RINT1: variants seen among roughly 807,000 people sequenced by gnomAD.
RINT1 encodes the protein RAD50-interacting protein 1.
Under a neutral mutation model 97.7 loss-of-function variants are expected in RINT1, and 75 were observed. That is an observed-to-expected ratio of 0.77 (90% confidence interval 0.64 to 0.93). The LOEUF (loss-of-function observed/expected upper bound fraction) is 0.93, where lower values mean the gene tolerates loss of function less well. Ranked by LOEUF, RINT1 falls within the 40% of genes least tolerant of loss-of-function variation. RINT1 has a pLI of 0.00. For synonymous variants in RINT1, 303 were observed against 326.3 expected, an observed-to-expected ratio of 0.93 and a Z score of 0.77; for missense variants, 892 against 925.2, an observed-to-expected ratio of 0.96 and a Z score of 0.47.
Position 105,565,327 on chromosome 7 carries a change from G to C in RINT1, c.1937G>C (p.Ser646Thr), listed in dbSNP as rs1396876913. The change falls in exon 13 of 15, where the codon AGT (serine) becomes ACT (threonine). Residue 646 changes from serine (S) to threonine (T), a missense_variant. Physicochemically the swap from Ser to Thr is moderately conservative, Grantham distance 58. Transcript: ENST00000257700. ...QSEQAVMSLS[S>T]SACPLLLTLR... ...GAGCAGGCAGTGATGTCCCTGTCCA[G>C]TTCGGCTTGCCCGTTGCTGCTGACG... 6.2e-7 allele frequency: 1 copy of C among 1,614,204 alleles called. No individual in the cohort carries two copies. Among genetic ancestry groups the C allele is most frequent in the Non-Finnish European group, 8.5e-7 (1 of 1,180,026 alleles).
chr7:105,545,926 C>T (rs920166407), intron 4 of RINT1, among the ~76,000 whole-genome samples: 3 of 151,154 alleles, frequency 2.0e-5, no homozygotes, highest in African/African-American at 7.3e-5. Flanking sequence ...GCCTCAGCCT[C>T]CCGAGTAGCT....
At chr7:105,544,990 A>T (rs1485237169) in intron 4 of RINT1, among the ~76,000 whole-genome samples, 1 of 151,188 alleles carries the variant, frequency 6.6e-6, no homozygotes, top group Non-Finnish European at 1.5e-5. Flanking sequence ...CTTTTTTTCA[A>T]GTAGTTTCTT....
chr7:105,543,375 C>T (rs1000514641), intron 4 of RINT1, among the ~76,000 whole-genome samples: 1 of 152,132 alleles, frequency 6.6e-6, no homozygotes. Context: ...AAGAGCTACA[C>T]AGTATTCTTG....
chr7:105,545,028 GCT>G (rs1790602059), intron 4 of RINT1, among the ~76,000 whole-genome samples: 1 of 151,380 alleles, frequency 6.6e-6, no homozygotes, highest in South Asian at 2.1e-4. Flanking sequence ...CCTTACATTA[GCT>G]CTGTTTCTTG....
intron 1 of RINT1, 113 bp from the exon 2 acceptor site, chr7:105,532,711 G>C: frequency 8.7e-7 from 1 of 1,143,980 alleles, no homozygotes; most frequent in South Asian, 1.2e-5. Context: ...CTCAGAAAGT[G>C]GGAGAGCGTC....
At chr7:105,545,765 G>A (rs940394745) in intron 4 of RINT1, among the ~76,000 whole-genome samples, 1 of 150,974 alleles carries the variant, frequency 6.6e-6, no homozygotes, top group African/African-American at 2.4e-5. Context: ...CCTGACCTCC[G>A]GTGATCCACC....
intron 3 of RINT1, among the ~76,000 whole-genome samples, chr7:105,539,690 A>G (rs1226637214): frequency 6.6e-6 from 1 of 152,028 alleles, no homozygotes. Context: ...TCTTGCTGAT[A>G]CCATGTTAGT....
chr7:105,549,199 C>T (rs1790816880), intron 7 of RINT1, among the ~76,000 whole-genome samples: 1 of 152,020 alleles, frequency 6.6e-6, no homozygotes, highest in South Asian at 2.1e-4. Flanking sequence ...ATTGGTCAGG[C>T]TGGTCTGGAA....
intron 2 of RINT1, among the ~76,000 whole-genome samples, chr7:105,534,732 G>A (rs1257644688): frequency 6.6e-6 from 1 of 151,936 alleles, no homozygotes; most frequent in Non-Finnish European, 1.5e-5. Flanking sequence ...AAATTGCTCT[G>A]GGAAGGCACA....
chr7:105,542,010 G>A (rs1397849706), intron 3 of RINT1, among the ~76,000 whole-genome samples: 4 of 151,960 alleles, frequency 2.6e-5, no homozygotes, highest in Admixed American at 6.6e-5. Flanking sequence ...TGTTATGTTT[G>A]GATTGATTAG....
chr7:105,535,158 A>G (rs985746319), intron 2 of RINT1, among the ~76,000 whole-genome samples: 3 of 143,818 alleles, frequency 2.1e-5, no homozygotes, highest in Non-Finnish European at 4.6e-5. Context: ...GTTCTCTCAT[A>G]TTTTCTTTTT....
chr7:105,556,861 A>AT (rs1468986653), intron 11 of RINT1, among the ~76,000 whole-genome samples: 6 of 152,240 alleles, frequency 3.9e-5, no homozygotes, highest in Non-Finnish European at 7.3e-5. Context: ...CAAAAGTCTA[A>AT]TTAGCCTTTA....
At chr7:105,535,481 A>G (rs1387496274) in intron 2 of RINT1, 3 of 416,132 alleles carry the variant, frequency 7.2e-6, no homozygotes, top group African/African-American at 4.1e-5. Flanking sequence ...GCCTGCCTCA[A>G]CCTCCCAAAG....
Position 105,547,168 on chromosome 7 carries a change from T to TA in RINT1, c.690-15dup. 1 of 1,614,156 alleles carries TA rather than the reference T, an allele frequency of 6.2e-7. No individual in the cohort carries two copies. Among genetic ancestry groups the TA allele is most frequent in the Non-Finnish European group, 8.5e-7 (1 of 1,180,028 alleles). On this transcript the variant is annotated splice_polypyrimidine_tract_variant and intron_variant, in intron 5 of 14. Coordinates refer to ENST00000257700, the MANE Select transcript of RINT1 (RefSeq NM_021930.6). ...TGGTGATGTACTGAAATGTATGTGTTACTTTTCCATTGCAGTGATTTTGAG... is the reference window on the plus strand; with the variant it reads ...TGGTGATGTACTGAAATGTATGTGTTAACTTTTCCATTGCAGTGATTTTGAG...
chr7:105,553,901 T>TC (rs1562852902), intron 10 of RINT1, among the ~76,000 whole-genome samples: 1 of 119,944 alleles, frequency 8.3e-6, no homozygotes, highest in Non-Finnish European at 1.8e-5. Flanking sequence ...TTTTTTTTTT[T>TC]TTTTTTTTTT....
At chr7:105,557,654 G>T (rs970150618) in intron 11 of RINT1, among the ~76,000 whole-genome samples, 3 of 151,964 alleles carry the variant, frequency 2.0e-5, no homozygotes, top group African/African-American at 7.2e-5. Context: ...AAAATTTATG[G>T]TTACTTCTAA....
intron 11 of RINT1, among the ~76,000 whole-genome samples, chr7:105,557,084 T>C (rs1730604181): frequency 6.6e-6 from 1 of 152,130 alleles, no homozygotes; most frequent in Non-Finnish European, 1.5e-5. Context: ...AACAGAGAAC[T>C]AGGATGACTA....
Position 105,564,999 on chromosome 7 carries a change from A to C in RINT1, c.1887-278A>C, listed in dbSNP as rs142256435. 486 of 278,044 alleles carry C rather than the reference A, an allele frequency of 1.7e-3. 1 individual carries two copies. Among genetic ancestry groups the C allele is most frequent in the Non-Finnish European group, 2.5e-3 (375 of 150,962 alleles). The allele number at this position is 278,044 out of a possible 1,614,324, so 17.2% of individuals were successfully genotyped here. ...AAAAACTACATAAATAAAATGCAAA[A>C]ATTAAGTGACATTTTAAATTGTAAT... On this transcript the variant is annotated intron_variant, in intron 12 of 14. Transcript: ENST00000257700.
chr7:105,558,937 G>A (rs1791305886), intron 11 of RINT1, among the ~76,000 whole-genome samples: 1 of 151,870 alleles, frequency 6.6e-6, no homozygotes, highest in South Asian at 2.1e-4. Flanking sequence ...TCCAGCCTGG[G>A]CAACTCCCCC....
Sources: allele counts gnomAD v4.1 joint callset (sites outside exome capture counted in the v4.1 genomes callset), GRCh38; gene constraint gnomAD v4.1.1; transcripts MANE v1.5; gene names NCBI Gene and HGNC (gene_info 2026-07-23, HGNC 2026-07-21).